Variants in ARHGEF4 observed in about 807,000 individuals in gnomAD.
ARHGEF4 encodes the protein APC-stimulated guanine nucleotide exchange factor 1.
Under a neutral mutation model 162.0 loss-of-function variants are expected in ARHGEF4, and 119 were observed. The observed-to-expected ratio is 0.73, with a 90% CI of 0.63 to 0.86. The LOEUF is 0.86. Among genes scored for constraint, ARHGEF4 ranks in the 40% least tolerant of loss-of-function variants. The pLI, the probability that ARHGEF4 is intolerant of heterozygous loss-of-function variation, is 0.00. For synonymous variants in ARHGEF4, 1,014 were observed against 979.9 expected, an observed-to-expected ratio of 1.03 and a Z score of -0.65; for missense variants, 2,488 against 2,456.0, an observed-to-expected ratio of 1.01 and a Z score of -0.28.
intron 1 of ARHGEF4, among the ~76,000 whole-genome samples, chr2:130,850,290 T>TGAG (rs1200329581): frequency 1.3e-5 from 2 of 152,232 alleles, no homozygotes; most frequent in Non-Finnish European, 2.9e-5. Flanking sequence ...CACTGCCTGC[T>TGAG]GTGTCCCTGG....
chr2:130,914,427 C>T lies in ARHGEF4; in HGVS notation c.481C>T (p.Leu161Phe), dbSNP rs942867996. 62 of 1,438,332 alleles carry T rather than the reference C, an allele frequency of 4.3e-5. No individual in the cohort carries two copies. The Admixed American group carries it at 6.5e-4, about 15-fold the overall frequency. The allele number at this position is 1,438,332 out of a possible 1,614,324, so 89.1% of individuals were successfully genotyped here. A position where few individuals can be genotyped will look rare whatever the true frequency, so the allele number is the denominator to read the frequency against. ...TVAGEQEAGH[L>F]WDCATSLERE... ...TGCTGGAGAACAGGAGGCAGGACAC[C>T]TCTGGGACTGCGCGACCAGCCTGGA... The change falls in exon 2 of 14, where the codon CTC (leucine) becomes TTC (phenylalanine). Residue 161 changes from leucine to phenylalanine, a missense_variant. Physicochemically the swap from Leu to Phe is conservative, Grantham distance 22. Around this residue, in one of 6 missense-constraint regions of ARHGEF4, gnomAD observed 81 missense variants for 125.8 expected, o/e 0.64. Transcript: ENST00000409359.
At chr2:130,996,420 C>T (rs951923788) in intron 4 of ARHGEF4, among the ~76,000 whole-genome samples, 5 of 152,198 alleles carry the variant, frequency 3.3e-5, no homozygotes, top group Admixed American at 1.3e-4. Flanking sequence ...TATAGACTGC[C>T]ATTACCAAAA....
chr2:130,888,050 A>G (rs759836163), intron 1 of ARHGEF4, among the ~76,000 whole-genome samples: 5 of 152,048 alleles, frequency 3.3e-5, no homozygotes, highest in East Asian at 1.9e-4. Context: ...TTAAAAACCT[A>G]TTGGCTTTGT....
intron 2 of ARHGEF4, among the ~76,000 whole-genome samples, chr2:130,928,327 C>T (rs900443531): frequency 3.9e-5 from 6 of 152,204 alleles, no homozygotes; most frequent in African/African-American, 1.4e-4. Flanking sequence ...CAGGATTATA[C>T]CGGGAAAGAA....
intron 4 of ARHGEF4, among the ~76,000 whole-genome samples, chr2:130,996,991 A>G (rs1467711615): frequency 6.6e-6 from 1 of 152,192 alleles, no homozygotes; most frequent in Non-Finnish European, 1.5e-5. Flanking sequence ...TATTGCAAAT[A>G]TATTCTCACA....
intron 2 of ARHGEF4, among the ~76,000 whole-genome samples, chr2:130,926,048 C>CTCTTTCTTTCTTTCTTTCTTTCTT (rs370694048): frequency 6.5e-4 from 35 of 53,458 alleles, no homozygotes; most frequent in East Asian, 6.0e-3. Flanking sequence ...TTCTTTCTTT[C>CTCTTTCTTTCTTTCTTTCTTTCTT]TCTTTCTTTC....
Position 130,915,488 on chromosome 2 carries a change from G to C in ARHGEF4, c.1542G>C (p.Glu514Asp). 2 of 1,550,580 alleles carry C rather than the reference G, an allele frequency of 1.3e-6. No homozygotes were observed. The highest frequency in any genetic ancestry group is 1.7e-6 in the Non-Finnish European group (2 of 1,147,014). ...SNYTSKYVLS[E>D]ESKSPTRAKF... ...ACACATCAAAGTATGTGCTCAGCGA[G>C]GAAAGCAAGTCACCTACCAGGGCCA... is the stretch of plus-strand genomic sequence containing the variant. The change falls in exon 2 of 14, where the codon GAG becomes GAC. Residue 514 changes from glutamate (E) to aspartate (D), a missense_variant. Physicochemically the swap from Glu to Asp is conservative, Grantham distance 45. Coordinates refer to ENST00000409359, the MANE Select transcript of ARHGEF4 (RefSeq NM_001367493.1).
At chr2:130,954,583 T>C (rs1014394888) in intron 4 of ARHGEF4, among the ~76,000 whole-genome samples, 2 of 152,240 alleles carry the variant, frequency 1.3e-5, no homozygotes, top group African/African-American at 2.4e-5. Context: ...AAAATCCTTT[T>C]AGCACATTTA....
At chr2:130,927,870 T>A (rs1682390005) in intron 2 of ARHGEF4, among the ~76,000 whole-genome samples, 1 of 152,248 alleles carries the variant, frequency 6.6e-6, no homozygotes. Flanking sequence ...AAACAGGAAG[T>A]GTGTCTATGC....
intron 4 of ARHGEF4, among the ~76,000 whole-genome samples, chr2:131,004,949 A>G (rs1688024091): frequency 6.6e-6 from 1 of 152,128 alleles, no homozygotes; most frequent in Admixed American, 6.5e-5. Flanking sequence ...CCACACACAC[A>G]CCAGGAGGGT....
chr2:130,925,558 A>AT (rs1682189009), intron 2 of ARHGEF4, among the ~76,000 whole-genome samples: 1 of 152,178 alleles, frequency 6.6e-6, no homozygotes, highest in Admixed American at 6.5e-5. Context: ...GAATGTCTCA[A>AT]TTTTCCCTTC....
chr2:130,971,484 C>T (rs1412761942), intron 4 of ARHGEF4, among the ~76,000 whole-genome samples: 1 of 151,940 alleles, frequency 6.6e-6, no homozygotes, highest in Non-Finnish European at 1.5e-5. Context: ...ATGGTGAAAC[C>T]CCGTCTCTAC....
intron 2 of ARHGEF4, among the ~76,000 whole-genome samples, chr2:130,919,875 CAAAA>C (rs199503484): frequency 0.045 from 6,236 of 138,826 alleles, 425 homozygotes; most frequent in African/African-American, 0.15. Context: ...GACTCCCTCT[CAAAA>C]AAAAAAAAAG....
At chr2:130,933,279 C>A (rs1431272706) in intron 3 of ARHGEF4, among the ~76,000 whole-genome samples, 1 of 151,090 alleles carries the variant, frequency 6.6e-6, no homozygotes, top group African/African-American at 2.4e-5. Flanking sequence ...TCAATTCTAT[C>A]CTATTAACTT....
chr2:130,928,004 T>C (rs1178429531), intron 2 of ARHGEF4, among the ~76,000 whole-genome samples: 1 of 152,222 alleles, frequency 6.6e-6, no homozygotes, highest in Non-Finnish European at 1.5e-5. Flanking sequence ...TGAAGTTTTC[T>C]TCTATCCTTT....
chr2:130,872,764 G>A (rs371924545), intron 1 of ARHGEF4, among the ~76,000 whole-genome samples: 210 of 152,302 alleles, frequency 1.4e-3, no homozygotes, highest in African/African-American at 4.9e-3. Flanking sequence ...GAGAAGAATG[G>A]GCCAGGACAC....
intron 3 of ARHGEF4, among the ~76,000 whole-genome samples, chr2:130,940,637 G>A (rs1396553917): frequency 6.7e-6 from 1 of 148,480 alleles, no homozygotes; most frequent in Non-Finnish European, 1.5e-5. Context: ...TCAGGAGATC[G>A]AGACCACGGT....
At chr2:130,866,781 T>A (rs1481662564) in intron 1 of ARHGEF4, among the ~76,000 whole-genome samples, 1 of 152,234 alleles carries the variant, frequency 6.6e-6, no homozygotes, top group Non-Finnish European at 1.5e-5. Flanking sequence ...TCTGCTAGAA[T>A]TCTGTTGAGG....
intron 4 of ARHGEF4, among the ~76,000 whole-genome samples, chr2:130,995,501 A>C (rs1402654007): frequency 6.6e-6 from 1 of 152,114 alleles, no homozygotes; most frequent in Non-Finnish European, 1.5e-5. Context: ...GCAGCTATTG[A>C]AGTTACCTCC....
Sources: gnomAD v4.1 joint callset for allele counts (sites outside exome capture counted in the v4.1 genomes callset) on GRCh38, gnomAD v4.1.1 for gene constraint, gnomAD v4.1.1 regional missense constraint, MANE v1.5 for transcripts, NCBI Gene and HGNC (gene_info 2026-07-23, HGNC 2026-07-21) for gene names.